Variants in THOC6 observed in about 807,000 individuals in gnomAD.
THOC6 encodes the protein THO complex 6.
THOC6 carries 39 observed loss-of-function variants against 55.8 expected under a neutral mutation model. That is an observed-to-expected ratio of 0.70 (90% confidence interval 0.54 to 0.91). THOC6 has a LOEUF of 0.91. Ranked by LOEUF, THOC6 falls within the 40% of genes least tolerant of loss-of-function variation. THOC6 has a pLI of 0.00. For synonymous variants in THOC6, 192 were observed against 175.6 expected (o/e 1.09, Z -0.74); for missense variants, 482 against 442.0 (o/e 1.09, Z -0.81).
chr16:3,024,208 G>A lies in THOC6; in HGVS notation c.-119G>A. 3.1e-6 allele frequency: 4 copies of A among 1,294,106 alleles called. No individual in the cohort carries two copies. The highest frequency in any genetic ancestry group is 1.9e-5 in the Admixed American group (1 of 53,166). The allele number at this position is 1,294,106 out of a possible 1,614,324, so 80.2% of individuals were successfully genotyped here. A position where few individuals can be genotyped will look rare whatever the true frequency, so the allele number is the denominator to read the frequency against. On this transcript the variant is annotated 5_prime_UTR_variant, in exon 1 of 13. Transcript: ENST00000326266. ...CGGCTCCTAGGGTTCGGGACGGTAC[G>A]CACCAGCCACCTTCGCGCCGAAGGC... is the stretch of plus-strand genomic sequence containing the variant.
intron 4 of THOC6, 42 bp from the exon 5 acceptor site, chr16:3,026,209 A>G (rs2151135426): frequency 6.2e-7 from 1 of 1,614,028 alleles, no homozygotes; most frequent in African/African-American, 1.3e-5. Context: ...GCCTGGACCC[A>G]GAGAGAGCCT....
Position 3,026,084 on chromosome 16 carries a change from G to A in THOC6, c.242G>A (p.Ser81Asn). Residue 81 changes from serine to asparagine, a missense_variant, in exon 4 of 13, where the codon AGC becomes AAC. Transcript: ENST00000326266. ...TFQAHDGPVY[S>N]MVSTDRHLLS... ...TTAGCCCATGATGGGCCCGTCTATA[G>A]CATGGTTTCCACCGATCGACATCTG... 2 of 1,611,200 alleles carry A rather than the reference G, an allele frequency of 1.2e-6. No homozygotes were observed. The highest frequency in any genetic ancestry group is 1.3e-5 in the African/African-American group (1 of 74,974).
At chr16:3,025,661 GAGGTTTCATACGTCCCAGGC>G (rs764332081) in intron 1 of THOC6, 27 bp from the exon 2 acceptor site, 29 of 1,547,450 alleles carry the variant, frequency 1.9e-5, no homozygotes, top group Non-Finnish European at 2.6e-5. Flanking sequence ...CTGTGGATGG[GAGGTTTCATACGTCCCAGGC>G]AGGCCTCATC....
rs1419205744 is a variant in THOC6, at chr16:3,027,455, G to GCTCAGC, written c.911_916dup (p.Ser304_Leu305dup). On this transcript the variant is annotated inframe_insertion, in exon 12 of 13. Coordinates refer to ENST00000326266, the MANE Select transcript of THOC6 (RefSeq NM_024339.5). ...AGGTGCCTGGCTCCTCCCCAGGGCT[G>GCTCAGC]CTCAGCCTCAGCCTCAACCAGCAGC... 1 of 1,610,916 alleles carries GCTCAGC rather than the reference G, an allele frequency of 6.2e-7. No individual in the cohort carries two copies. The highest frequency in any genetic ancestry group is 8.5e-7 in the Non-Finnish European group (1 of 1,178,830).
At chr16:3,026,480 G>C (rs777105827) in intron 6 of THOC6, 36 bp from the exon 7 acceptor site, 4 of 1,613,988 alleles carry the variant, frequency 2.5e-6, no homozygotes, top group Non-Finnish European at 3.4e-6. Context: ...ATCCTGATTT[G>C]ACATTGACTT....
In THOC6 at chr16:3,026,263, C is replaced by A; in HGVS notation, c.337C>A (p.Leu113Met). The change falls in exon 5 of 13, where the codon CTG (leucine) becomes ATG (methionine). Residue 113 changes from leucine (L) to methionine (M), a missense_variant. Physicochemically the swap from Leu to Met is conservative, Grantham distance 15. Transcript: ENST00000326266. ...TTCTCTTTTGAAGGGCTGTAAGGAG[C>A]TGTGGCGTCGTCAGCCTCCATACAG... is the stretch of plus-strand genomic sequence containing the variant. ...AEMLKKGCKE[L>M]WRRQPPYRTS... The A allele has an allele frequency of 6.2e-7, 1 of 1,614,140 alleles. No individual in the cohort carries two copies. Among genetic ancestry groups the A allele is most frequent in the South Asian group, 1.1e-5 (1 of 91,080 alleles).
Position 3,026,674 on chromosome 16 carries a change from T to A in THOC6, c.484-5T>A, listed in dbSNP as rs1402794175. 5.6e-6 allele frequency: 9 copies of A among 1,611,914 alleles called. No individual in the cohort carries two copies. Among genetic ancestry groups the A allele is most frequent in the South Asian group, 1.1e-5 (1 of 90,744 alleles). ...CTCCTCCTGACATCGCCCCTCTACATGCAGAGGGTCCTCCGGGGCCACACA... is the reference window on the plus strand; with the variant it reads ...CTCCTCCTGACATCGCCCCTCTACAAGCAGAGGGTCCTCCGGGGCCACACA... On this transcript the variant is annotated splice_region_variant and splice_polypyrimidine_tract_variant and intron_variant, in intron 7 of 12. Coordinates refer to ENST00000326266, the MANE Select transcript of THOC6 (RefSeq NM_024339.5).
In THOC6 at chr16:3,026,293, G is replaced by A. The variant is rs368162811; in HGVS notation, c.362+5G>A. On this transcript the variant is annotated splice_donor_5th_base_variant and intron_variant, in intron 5 of 12. Transcript: ENST00000326266. ...GCGTCGTCAGCCTCCATACAGGTGA[G>A]CAGGGCCACGTGGATAGAGGGTGCA... The A allele has an allele frequency of 8.3e-5, 134 of 1,614,168 alleles. No individual in the cohort carries two copies. The African/African-American group carries it at 1.5e-3, about 18-fold the overall frequency.
rs147476413 is a variant in THOC6, at chr16:3,026,713, G to T, written c.518G>T (p.Cys173Phe). ...VLRGHTDYIH[C>F]LALRERSPEV... ...CGGGGCCACACAGACTACATCCACT[G>T]CCTGGCACTGCGGGAAAGGAGCCCA... The change falls in exon 8 of 13, where the codon TGC becomes TTC. Residue 173 changes from cysteine (C) to phenylalanine (F), a missense_variant. Coordinates refer to ENST00000326266, the MANE Select transcript of THOC6 (RefSeq NM_024339.5). 1.2e-6 allele frequency: 2 copies of T among 1,613,832 alleles called. No homozygotes were observed. The highest frequency in any genetic ancestry group is 1.7e-6 in the Non-Finnish European group (2 of 1,179,868).
chr16:3,026,644 TAG>T (rs1204890007), intron 7 of THOC6, 33 bp from the exon 8 acceptor site: 2 of 1,611,026 alleles, frequency 1.2e-6, no homozygotes, highest in Non-Finnish European at 1.7e-6. Flanking sequence ...GCACTCTTCC[TAG>T]GTCTCCTCCT....
At chr16:3,025,438 T>G (rs570062528) in intron 1 of THOC6, among the ~76,000 whole-genome samples, 1 of 152,340 alleles carries the variant, frequency 6.6e-6, no homozygotes, top group South Asian at 2.1e-4. Flanking sequence ...TGAGCTCCAT[T>G]TGTCAGTTGA....
At chr16:3,025,632 G>T (rs2526260) in intron 1 of THOC6, 76 bp from the exon 2 acceptor site, 14 of 1,416,846 alleles carry the variant, frequency 9.9e-6, no homozygotes, top group African/African-American at 5.6e-5. Context: ...GGCAGGTTTT[G>T]GGGGAAGCAG....
chr16:3,024,434 A>C (rs918355563), intron 1 of THOC6, 69 bp downstream of exon 1: 6 of 1,593,450 alleles, frequency 3.8e-6, no homozygotes, highest in East Asian at 2.2e-5. Context: ...CGGGGCGGGC[A>C]GGGAATCGTG....
chr16:3,027,206 C>T lies in THOC6; in HGVS notation c.736C>T (p.Leu246Phe). The T allele has an allele frequency of 6.2e-7, 1 of 1,614,168 alleles. No individual in the cohort carries two copies. The highest frequency in any genetic ancestry group is 8.5e-7 in the Non-Finnish European group (1 of 1,180,038). ...GGGPALTLWH[L>F]RSSTPTTIFP... Reference sequence around the variant, plus strand: ...GGGCCCAGCCCTCACCCTCTGGCACCTCCGATCCTCCACACCCACCACCAT... The same window carrying T: ...GGGCCCAGCCCTCACCCTCTGGCACTTCCGATCCTCCACACCCACCACCAT... The change falls in exon 11 of 13, where the codon CTC becomes TTC. Residue 246 changes from leucine (L) to phenylalanine (F), a missense_variant. By Grantham distance (22) the Leu-to-Phe change is conservative. Transcript: ENST00000326266.
chr16:3,027,030 A>G lies in THOC6; in HGVS notation c.656A>G (p.Asn219Ser), dbSNP rs193187862. 3.5e-5 allele frequency: 56 copies of G among 1,613,962 alleles called. No homozygotes were observed. Among genetic ancestry groups the G allele is most frequent in the Non-Finnish European group, 4.3e-5 (51 of 1,179,968 alleles). The change falls in exon 10 of 13, where the codon AAT (asparagine) becomes AGT (serine). Residue 219 changes from asparagine (N) to serine (S), a missense_variant. By Grantham distance (46) the Asn-to-Ser change is conservative (BLOSUM62 1). Transcript: ENST00000326266. Reference protein sequence around the residue: ...YKHEECSRPHNGRWIGCLATD... With the variant: ...YKHEECSRPHSGRWIGCLATD... ...TCCCAGGAGTGCTCGAGGCCCCACA[A>G]TGGGCGCTGGATTGGATGTTTGGCA...
Position 3,026,682 on chromosome 16 carries a change from G to T in THOC6, c.487G>T (p.Val163Phe). 1 of 1,612,396 alleles carries T rather than the reference G, an allele frequency of 6.2e-7. No individual in the cohort carries two copies. The highest frequency in any genetic ancestry group is 8.5e-7 in the Non-Finnish European group (1 of 1,179,092). The change falls in exon 8 of 13, where the codon GTC becomes TTC. Residue 163 changes from valine (V) to phenylalanine (F), a missense_variant. Transcript: ENST00000326266. ...GACATCGCCCCTCTACATGCAGAGG[G>T]TCCTCCGGGGCCACACAGACTACAT... ...MDLETGTFTR[V>F]LRGHTDYIHC...
intron 6 of THOC6, 48 bp downstream of exon 6, chr16:3,026,461 C>A: frequency 6.2e-7 from 1 of 1,614,096 alleles, no homozygotes; most frequent in Non-Finnish European, 8.5e-7. Context: ...GATCCTTCAC[C>A]CTCTGCCTAT....
Position 3,026,689 on chromosome 16 carries a change from G to T in THOC6, c.494G>T (p.Arg165Leu). The T allele has an allele frequency of 1.2e-6, 2 of 1,612,726 alleles. No homozygotes were observed. The highest frequency in any genetic ancestry group is 1.7e-6 in the Non-Finnish European group (2 of 1,179,256). ...CCCCTCTACATGCAGAGGGTCCTCCGGGGCCACACAGACTACATCCACTGC... is the reference window on the plus strand; with the variant it reads ...CCCCTCTACATGCAGAGGGTCCTCCTGGGCCACACAGACTACATCCACTGC... ...LETGTFTRVL[R>L]GHTDYIHCLA... The change falls in exon 8 of 13, where the codon CGG becomes CTG. Residue 165 changes from arginine (R) to leucine (L), a missense_variant. By Grantham distance (102) the Arg-to-Leu change is moderately radical. Coordinates refer to ENST00000326266, the MANE Select transcript of THOC6 (RefSeq NM_024339.5).
rs2072707437 is a variant in THOC6 at position 3,024,049 on chromosome 16, C to G, written c.-278C>G. The G allele has an allele frequency of 2.1e-6, 2 of 947,154 alleles. No homozygotes were observed. The highest frequency in any genetic ancestry group is 2.7e-5 in the Admixed American group (1 of 36,486). The allele number at this position is 947,154 out of a possible 1,614,324, so 58.7% of individuals were successfully genotyped here. A position where few individuals can be genotyped will look rare whatever the true frequency, so the allele number is the denominator to read the frequency against. On this transcript the variant is annotated 5_prime_UTR_variant, in exon 1 of 13. Coordinates refer to ENST00000326266, the MANE Select transcript of THOC6 (RefSeq NM_024339.5). ...TTTAGGCGGGCACAGCCGCGAGGTT[C>G]TGCGCGGGCGCGGAAGACGGGCGGC... is the stretch of plus-strand genomic sequence containing the variant.
Sources: allele counts gnomAD v4.1 joint callset (sites outside exome capture counted in the v4.1 genomes callset), GRCh38; gene constraint gnomAD v4.1.1; transcripts MANE v1.5; gene names NCBI Gene and HGNC (gene_info 2026-07-23, HGNC 2026-07-21).